The following BHMT2 variants were observed in gnomAD, a reference collection of about 807,000 sequenced individuals.
The protein encoded by BHMT2 is S-methylmethionine--homocysteine S-methyltransferase BHMT2.
BHMT2 carries 28 observed loss-of-function variants against 39.0 expected under a neutral mutation model. That is an observed-to-expected ratio of 0.72 (90% CI 0.53 to 0.98). BHMT2 has a LOEUF of 0.98. Ranked by LOEUF, BHMT2 falls within the 50% of genes least tolerant of loss-of-function variation. BHMT2 has a pLI of 0.00. For synonymous variants in BHMT2, 145 were observed against 160.6 expected, an observed-to-expected ratio of 0.90 and a Z score of 0.74; for missense variants, 410 against 455.6, an observed-to-expected ratio of 0.90 and a Z score of 0.91.
chr5:79,077,712 T>G, intron 2 of BHMT2, 100 bp downstream of exon 2: 1 of 1,426,466 alleles, frequency 7.0e-7, no homozygotes, highest in Non-Finnish European at 9.5e-7. Context: ...TTCAAAGGGG[T>G]GTTTTGCTTG....
chr5:79,085,616 AG>A (rs1755879431), intron 7 of BHMT2, among the ~76,000 whole-genome samples: 1 of 152,192 alleles, frequency 6.6e-6, no homozygotes, highest in Non-Finnish European at 1.5e-5. Context: ...AGTGGGGTGG[AG>A]GTTGCAGTGA....
Position 79,080,881 on chromosome 5 carries a change from G to A in BHMT2, c.450+3G>A. The A allele has an allele frequency of 3.2e-6, 5 of 1,582,716 alleles. No individual in the cohort carries two copies. Among genetic ancestry groups the A allele is most frequent in the Non-Finnish European group, 4.3e-6 (5 of 1,168,488 alleles). ...ATGTGGACTTCTTGATTGCAGAGGT[G>A]AGGCTAGTATTGGAGGAAAAGGATT... On this transcript the variant is annotated splice_donor_region_variant and intron_variant, in intron 4 of 7. Coordinates refer to ENST00000255192, the MANE Select transcript of BHMT2 (RefSeq NM_017614.5).
At chr5:79,081,950 C>T (rs942101569) in intron 4 of BHMT2, among the ~76,000 whole-genome samples, 1 of 152,134 alleles carries the variant, frequency 6.6e-6, no homozygotes, top group Admixed American at 6.5e-5. Context: ...ATCCTCCTGC[C>T]CACGCCTGGC....
rs368310862 is a variant in BHMT2 at position 79,088,536 on chromosome 5, AG to A, written c.1055del (p.Arg352AsnfsTer15). ...GGAGAATCTGCTGCCAGCTTCAGGC[AG>A]ACCTTTCTGTCCTTCGCTGTCAAAG... is the stretch of plus-strand genomic sequence containing the variant. ...YWENLLPASG[R>X]PFCPSLSKPD... On this transcript the variant is annotated frameshift_variant, in exon 8 of 8. Transcript: ENST00000255192. LOFTEE classifies it high-confidence loss of function. The A allele has an allele frequency of 5.6e-6, 9 of 1,614,210 alleles. No homozygotes were observed. In the African/African-American group the frequency reaches 6.7e-5, roughly 12 times the overall value.
In BHMT2 at chr5:79,088,475, G is replaced by A. The variant is rs1367032187; in HGVS notation, c.1011-18G>A. 6.3e-7 allele frequency: 1 copy of A among 1,599,270 alleles called. No homozygotes were observed. The highest frequency in any genetic ancestry group is 8.6e-7 in the Non-Finnish European group (1 of 1,169,474). On this transcript the variant is annotated intron_variant, in intron 7 of 7. Coordinates refer to ENST00000255192, the MANE Select transcript of BHMT2 (RefSeq NM_017614.5). ...GTAAGACTTTTAATTAATTAATTAT[G>A]TATATATTGAAACACAGGGCTCGAA...
At position 79,081,810 on chromosome 5, in the gene BHMT2, A is replaced by T. The variant is rs373921318; in HGVS notation, c.450+932A>T. Among the ~76,000 whole-genome samples the T allele has an allele frequency of 8.5e-5, 13 of 152,240 alleles. 1 individual carries two copies. The highest frequency in any genetic ancestry group is 3.1e-4 in the African/African-American group (13 of 41,538). On this transcript the variant is annotated intron_variant, in intron 4 of 7. Coordinates refer to ENST00000255192, the MANE Select transcript of BHMT2 (RefSeq NM_017614.5). The stretch of plus-strand genomic sequence containing the variant: ...GGGAGGCGGAGGTTGCAGTGAGCCA[A>T]GATAGGGCACCACTGCACTCCAGCC...
intron 1 of BHMT2, among the ~76,000 whole-genome samples, chr5:79,071,947 G>T (rs1755587362): frequency 6.6e-6 from 1 of 151,794 alleles, no homozygotes; most frequent in Non-Finnish European, 1.5e-5. Flanking sequence ...TGATAACTTA[G>T]TTATTTTGCT....
At chr5:79,079,259 TGATTGAAA>T (rs1434977110) in intron 2 of BHMT2, 102 bp from the exon 3 acceptor site, 4 of 722,586 alleles carry the variant, frequency 5.5e-6, no homozygotes, top group Non-Finnish European at 9.2e-6. Flanking sequence ...AACTGAGGTA[TGATTGAAA>T]GAGATGGGAG....
At chr5:79,088,044 G>A (rs1006430675) in intron 7 of BHMT2, among the ~76,000 whole-genome samples, 1 of 152,072 alleles carries the variant, frequency 6.6e-6, no homozygotes, top group Non-Finnish European at 1.5e-5. Flanking sequence ...GCCTGGTGTG[G>A]TGGTGCACGC....
intron 3 of BHMT2, among the ~76,000 whole-genome samples, chr5:79,080,013 AT>A (rs573831152): frequency 8.5e-5 from 13 of 152,190 alleles, no homozygotes; most frequent in Non-Finnish European, 1.8e-4. Flanking sequence ...TTCTTGTGCT[AT>A]TTTTTAGAGA....
chr5:79,081,001 G>A, intron 4 of BHMT2, 123 bp downstream of exon 4: 2 of 935,464 alleles, frequency 2.1e-6, no homozygotes, highest in East Asian at 3.0e-5. Context: ...GATGGTCAAA[G>A]GTTTATTTAA....
At chr5:79,081,751 T>C (rs780744198) in intron 4 of BHMT2, among the ~76,000 whole-genome samples, 1 of 152,100 alleles carries the variant, frequency 6.6e-6, no homozygotes, top group African/African-American at 2.4e-5. Context: ...TCCCAACTAC[T>C]CTGGAGGCTG....
intron 1 of BHMT2, among the ~76,000 whole-genome samples, chr5:79,074,491 G>A (rs371702606): frequency 6.6e-6 from 1 of 152,186 alleles, no homozygotes; most frequent in Admixed American, 6.5e-5. Flanking sequence ...GATCAAATTA[G>A]CTTCCCTCTT....
At chr5:79,079,173 G>T (rs1179465357) in intron 2 of BHMT2, among the ~76,000 whole-genome samples, 196 bp from the exon 3 acceptor site, 1 of 152,166 alleles carries the variant, frequency 6.6e-6, no homozygotes, top group Non-Finnish European at 1.5e-5. Flanking sequence ...AACAATACAA[G>T]GCTGCTCTAA....
intron 1 of BHMT2, among the ~76,000 whole-genome samples, chr5:79,076,492 G>T (rs1204257536): frequency 6.6e-6 from 1 of 152,138 alleles, no homozygotes; most frequent in African/African-American, 2.4e-5. Flanking sequence ...AAAGGAAACT[G>T]CACCCCATGG....
Position 79,080,797 on chromosome 5 carries a change from G to T in BHMT2, c.369G>T (p.Lys123Asn), listed in dbSNP as rs138489722. The T allele has an allele frequency of 2.5e-6, 4 of 1,605,878 alleles. No individual in the cohort carries two copies. The Admixed American group carries it at 5.2e-5, about 21-fold the overall frequency. The change falls in exon 4 of 8, where the codon AAG becomes AAT. Residue 123 changes from lysine (K) to asparagine (N), a missense_variant. By Grantham distance (94) the Lys-to-Asn change is moderately conservative (BLOSUM62 0). Transcript: ENST00000255192. ...ICQTSIYKYQ[K>N]DEARIKKLFR... ...AGACATCAATATACAAATACCAGAA[G>T]GATGAAGCTAGAATTAAAAAACTTT...
At chr5:79,087,997 T>C (rs1755932346) in intron 7 of BHMT2, among the ~76,000 whole-genome samples, 2 of 151,930 alleles carry the variant, frequency 1.3e-5, no homozygotes, top group Admixed American at 1.3e-4. Context: ...CTGGGCAACA[T>C]GGGGAGACCC....
At chr5:79,087,075 TC>T (rs1482049082) in intron 7 of BHMT2, among the ~76,000 whole-genome samples, 5 of 147,928 alleles carry the variant, frequency 3.4e-5, no homozygotes, top group African/African-American at 7.4e-5. Context: ...TATAATTCCA[TC>T]CCCCTTCCAT....
chr5:79,072,332 T>C (rs554515625), intron 1 of BHMT2, among the ~76,000 whole-genome samples: 1 of 151,858 alleles, frequency 6.6e-6, no homozygotes, highest in Non-Finnish European at 1.5e-5. Flanking sequence ...AACATCCAGA[T>C]AACAAATGAA....
Sources: allele counts gnomAD v4.1 joint callset (sites outside exome capture counted in the v4.1 genomes callset), GRCh38; gene constraint gnomAD v4.1.1; transcripts MANE v1.5; gene names NCBI Gene and HGNC (gene_info 2026-07-23, HGNC 2026-07-21).